The following SLCO4C1 variants were observed in gnomAD, a reference collection of about 807,000 sequenced individuals.
SLCO4C1 encodes the protein organic anion transporter M1.
A neutral mutation model predicts 72.1 loss-of-function variants in SLCO4C1; 58 were observed. That is an observed-to-expected ratio of 0.80 (90% CI 0.65 to 1.00). SLCO4C1 has a LOEUF of 1.00. SLCO4C1 is among the 50% of genes least tolerant of loss of function. SLCO4C1 has a pLI of 0.00. For synonymous variants in SLCO4C1, 297 were observed against 312.5 expected, an observed-to-expected ratio of 0.95 and a Z score of 0.52; for missense variants, 898 against 857.9, an observed-to-expected ratio of 1.05 and a Z score of -0.58.
chr5:102,250,163 A>G (rs1405682878), intron 8 of SLCO4C1, among the ~76,000 whole-genome samples: 1 of 152,152 alleles, frequency 6.6e-6, no homozygotes, highest in Non-Finnish European at 1.5e-5. Context: ...CAGCAACCAA[A>G]ATATCTCCAT....
At chr5:102,238,791 T>G (rs1008110689) in intron 12 of SLCO4C1, among the ~76,000 whole-genome samples, 7 of 152,126 alleles carry the variant, frequency 4.6e-5, no homozygotes, top group African/African-American at 1.7e-4. Flanking sequence ...CAAAAAGAAT[T>G]AAACATCACA....
intron 5 of SLCO4C1, 73 bp downstream of exon 5, chr5:102,261,839 T>C (rs556759128): frequency 2.5e-5 from 36 of 1,437,142 alleles, no homozygotes; most frequent in Non-Finnish European, 3.3e-5. Context: ...ATAGTTCTTA[T>C]TAATCATATA....
chr5:102,285,129 A>G (rs1749425887), intron 2 of SLCO4C1, among the ~76,000 whole-genome samples: 1 of 151,884 alleles, frequency 6.6e-6, no homozygotes, highest in Admixed American at 6.6e-5. Context: ...ATTGAGTCCT[A>G]CTCCAAACTT....
intron 2 of SLCO4C1, among the ~76,000 whole-genome samples, chr5:102,289,017 A>G (rs1749504532): frequency 1.3e-5 from 2 of 152,216 alleles, no homozygotes; most frequent in South Asian, 4.1e-4. Context: ...TATATATTGT[A>G]TGAATGGCAG....
chr5:102,246,492 T>C (rs993880588), intron 10 of SLCO4C1, among the ~76,000 whole-genome samples: 3 of 151,930 alleles, frequency 2.0e-5, no homozygotes, highest in African/African-American at 7.3e-5. Context: ...AGTAGCAAGA[T>C]TGAAGCTGTA....
chr5:102,245,326 T>C (rs1368527646), intron 10 of SLCO4C1, among the ~76,000 whole-genome samples: 1 of 151,860 alleles, frequency 6.6e-6, no homozygotes, highest in African/African-American at 2.4e-5. Context: ...AAGACACACA[T>C]AGACTGAAAA....
Position 102,236,612 on chromosome 5 carries a change from G to C in SLCO4C1, c.*246C>G. The C allele has an allele frequency of 5.1e-6, 2 of 391,892 alleles. No individual in the cohort carries two copies. Among genetic ancestry groups the C allele is most frequent in the South Asian group, 5.4e-5 (2 of 37,170 alleles). 24.3% of individuals were successfully genotyped at this position (391,892 alleles called of 1,614,324 possible). Reference sequence around the variant, plus strand: ...TGTGTGTGTGTGTGTGTTCGTGTGTGTGTGTGTGTGTGTGCTCGTGTGTGT... The same window carrying C: ...TGTGTGTGTGTGTGTGTTCGTGTGTCTGTGTGTGTGTGTGCTCGTGTGTGT... On this transcript the variant is annotated 3_prime_UTR_variant, in exon 13 of 13. Coordinates refer to ENST00000310954, the MANE Select transcript of SLCO4C1 (RefSeq NM_180991.5).
chr5:102,269,099 T>C (rs1749101461), intron 3 of SLCO4C1, among the ~76,000 whole-genome samples: 1 of 152,138 alleles, frequency 6.6e-6, no homozygotes, highest in African/African-American at 2.4e-5. Context: ...TTTAGAATTA[T>C]CTTTGTCTTT....
intron 3 of SLCO4C1, among the ~76,000 whole-genome samples, chr5:102,265,419 C>T (rs930317098): frequency 6.6e-6 from 1 of 152,104 alleles, no homozygotes; most frequent in Non-Finnish European, 1.5e-5. Context: ...AGTGTTTCCC[C>T]TATGTTTTCC....
intron 8 of SLCO4C1, among the ~76,000 whole-genome samples, chr5:102,252,815 T>C (rs533960080): frequency 6.6e-6 from 1 of 152,254 alleles, no homozygotes; most frequent in African/African-American, 2.4e-5. Context: ...AAACGGCAGA[T>C]GCTTGTGAAG....
At chr5:102,258,765 C>T (rs569212324) in intron 6 of SLCO4C1, among the ~76,000 whole-genome samples, 65 of 151,302 alleles carry the variant, frequency 4.3e-4, no homozygotes, top group Admixed American at 3.0e-3. Flanking sequence ...CACACACACA[C>T]CACACACACA....
At position 102,258,073 on chromosome 5, in the gene SLCO4C1, AT is replaced by A. The variant is rs994486120; in HGVS notation, c.1142del (p.Asn381MetfsTer7). On this transcript the variant is annotated frameshift_variant, in exon 7 of 13. Transcript: ENST00000310954. LOFTEE classifies it high-confidence loss of function. ...ATAGAACTAAACACATAAAGACAGCATTCTTCATCAAATTCTAAAGAAAAAA... is the reference window on the plus strand; with the variant it reads ...ATAGAACTAAACACATAAAGACAGCATCTTCATCAAATTCTAAAGAAAAAA... Reference protein sequence around the residue: ...FPAALKNLMKNAVFMCLVLST... With the variant: ...FPAALKNLMKXAVFMCLVLST... 6.4e-7 allele frequency: 1 copy of A among 1,551,982 alleles called. No homozygotes were observed. Among genetic ancestry groups the A allele is most frequent in the African/African-American group, 1.4e-5 (1 of 71,320 alleles).
chr5:102,266,476 C>G (rs998853393), intron 3 of SLCO4C1, among the ~76,000 whole-genome samples: 2 of 152,002 alleles, frequency 1.3e-5, no homozygotes, highest in Admixed American at 1.3e-4. Flanking sequence ...GTGGTGAAAC[C>G]CTGTCTCTAC....
chr5:102,239,446 T>TC (rs1283582087), intron 11 of SLCO4C1, 58 bp from the exon 12 acceptor site: 1 of 1,266,126 alleles, frequency 7.9e-7, no homozygotes, highest in East Asian at 2.6e-5. Context: ...GAATTACAGA[T>TC]CTTTTTATAC....
chr5:102,242,360 T>C (rs933133519), intron 10 of SLCO4C1, among the ~76,000 whole-genome samples: 1 of 152,164 alleles, frequency 6.6e-6, no homozygotes, highest in Admixed American at 6.5e-5. Flanking sequence ...AGACAACAGC[T>C]GGGACAGACA....
At chr5:102,252,069 C>A (rs10057463) in intron 8 of SLCO4C1, among the ~76,000 whole-genome samples, 4 of 135,590 alleles carry the variant, frequency 3.0e-5, no homozygotes, top group East Asian at 2.1e-4. Flanking sequence ...GGAAGGGAAA[C>A]GGGGAAAGAA....
At chr5:102,242,112 C>G (rs941738207) in intron 10 of SLCO4C1, among the ~76,000 whole-genome samples, 1 of 152,194 alleles carries the variant, frequency 6.6e-6, no homozygotes, top group Non-Finnish European at 1.5e-5. Flanking sequence ...ACCAGACCAA[C>G]TTACCTGACA....
intron 2 of SLCO4C1, among the ~76,000 whole-genome samples, chr5:102,280,422 G>A (rs1322501693): frequency 6.6e-6 from 1 of 151,694 alleles, no homozygotes; most frequent in Non-Finnish European, 1.5e-5. Context: ...TAACTTGCAT[G>A]CTAAAAATAT....
chr5:102,240,063 T>C (rs1748510745), intron 11 of SLCO4C1, among the ~76,000 whole-genome samples: 1 of 152,084 alleles, frequency 6.6e-6, no homozygotes, highest in Non-Finnish European at 1.5e-5. Context: ...GACTCAGAGT[T>C]AGGAATCATT....
Sources: allele counts gnomAD v4.1 joint callset (sites outside exome capture counted in the v4.1 genomes callset), GRCh38; gene constraint gnomAD v4.1.1; transcripts MANE v1.5; gene names NCBI Gene and HGNC (gene_info 2026-07-23, HGNC 2026-07-21).